The following HEATR1 variants were observed in gnomAD, a reference collection of about 807,000 sequenced individuals.
HEATR1 encodes the protein HEAT repeat-containing protein 1.
Under a neutral mutation model 248.2 loss-of-function variants are expected in HEATR1, and 77 were observed. The ratio of observed to expected loss-of-function variants is 0.31; its 90% CI spans 0.26 to 0.37. The LOEUF (loss-of-function observed/expected upper bound fraction) is 0.37. Among genes scored for constraint, HEATR1 ranks in the 10% least tolerant of loss-of-function variants. The pLI is 1.00. For missense variants in HEATR1, 2,420 were observed against 2,504.9 expected, an observed-to-expected ratio of 0.97 and a Z score of 0.72; for synonymous variants, 897 against 923.1, an observed-to-expected ratio of 0.97 and a Z score of 0.51.
At position 236,599,562 on chromosome 1, in the gene HEATR1, G is replaced by A. The variant is rs867330018; in HGVS notation, c.422C>T (p.Thr141Ile). The change falls in exon 4 of 45, where the codon ACA becomes ATA. Residue 141 changes from threonine (T) to isoleucine (I), a missense_variant. Thr to Ile is a moderately conservative substitution (Grantham distance 89, BLOSUM62 -1). Transcript: ENST00000366582. ...CTGTATGACTCGCACAAATATTCTT[G>A]TCTCGTGGTATGGCAGAACACAAGC... ...LIACVLPYHE[T>I]RIFVRVIQLL... 1 of 1,613,506 alleles carries A rather than the reference G, an allele frequency of 6.2e-7. No homozygotes were observed. The highest frequency in any genetic ancestry group is 8.5e-7 in the Non-Finnish European group (1 of 1,179,622).
At position 236,555,894 on chromosome 1, in the gene HEATR1, C is replaced by T. The variant is rs201959745; in HGVS notation, c.5560G>A (p.Val1854Met). Residue 1854 changes from valine to methionine, a missense_variant, in exon 39 of 45, where the codon GTG (valine) becomes ATG (methionine). Physicochemically the swap from Val to Met is conservative, Grantham distance 21. Coordinates refer to ENST00000366582, the MANE Select transcript of HEATR1 (RefSeq NM_018072.6). ...GAGGTGAGCTCTTCCTTCTTCATCACCCCAATATGCTCTTGCAAGATGCTC... is the reference window on the plus strand; with the variant it reads ...GAGGTGAGCTCTTCCTTCTTCATCATCCCAATATGCTCTTGCAAGATGCTC... ...FMSILQEHIG[V>M]MKKEELTSHQ... The T allele has an allele frequency of 6.2e-7, 1 of 1,613,556 alleles. No individual in the cohort carries two copies. The highest frequency in any genetic ancestry group is 1.7e-5 in the Admixed American group (1 of 60,026).
intron 8 of HEATR1, among the ~76,000 whole-genome samples, chr1:236,594,923 C>T (rs755136544): frequency 3.2e-4 from 48 of 152,110 alleles, no homozygotes; most frequent in Non-Finnish European, 4.9e-4. Flanking sequence ...CTCAGTCTCC[C>T]GAGCAGCTGG....
At chr1:236,569,571 G>A (rs78430179) in intron 28 of HEATR1, among the ~76,000 whole-genome samples, 4,499 of 152,172 alleles carry the variant, frequency 0.03, 128 homozygotes, top group Admixed American at 0.093. Flanking sequence ...AAATTCATAC[G>A]AAAAGAATAT....
chr1:236,558,175 G>A, intron 36 of HEATR1, 62 bp downstream of exon 36: 1 of 1,482,160 alleles, frequency 6.7e-7, no homozygotes, highest in Middle Eastern at 2.5e-4. Context: ...AGTCACCAAA[G>A]TGTTATTTTT....
At chr1:236,597,032 T>C (rs74340589) in intron 5 of HEATR1, 56 bp from the exon 6 acceptor site, 25,045 of 1,547,180 alleles carry the variant, frequency 0.016, 239 homozygotes, top group African/African-American at 0.039. Flanking sequence ...GGTAGAAGGA[T>C]TGCTTGAGGC....
At chr1:236,568,365 T>G (rs1395069260) in intron 29 of HEATR1, among the ~76,000 whole-genome samples, 2 of 152,202 alleles carry the variant, frequency 1.3e-5, no homozygotes, top group African/African-American at 4.8e-5. Flanking sequence ...TAAAAGAAGG[T>G]GCTGAATATG....
intron 14 of HEATR1, among the ~76,000 whole-genome samples, chr1:236,586,966 C>G (rs917510529): frequency 6.6e-6 from 1 of 152,078 alleles, no homozygotes; most frequent in Admixed American, 6.6e-5. Context: ...TTGCAAAAAG[C>G]TTTGGTGCCA....
intron 20 of HEATR1, among the ~76,000 whole-genome samples, chr1:236,580,346 A>G (rs563036412): frequency 1.3e-5 from 2 of 152,328 alleles, no homozygotes; most frequent in East Asian, 1.9e-4. Flanking sequence ...TCTGACTTCC[A>G]TATCTAACCC....
chr1:236,585,955 T>C lies in HEATR1; in HGVS notation c.1928-14A>G, dbSNP rs2103146075. ...CATTTTCAAGAGCTGTAAAGTAAAATCGAATGCAGAGAGCTCTTATGTCAC... is the reference window on the plus strand; with the variant it reads ...CATTTTCAAGAGCTGTAAAGTAAAACCGAATGCAGAGAGCTCTTATGTCAC... On this transcript the variant is annotated splice_polypyrimidine_tract_variant and intron_variant, in intron 15 of 44. Transcript: ENST00000366582. The C allele has an allele frequency of 6.2e-7, 1 of 1,612,976 alleles. No individual in the cohort carries two copies. The highest frequency in any genetic ancestry group is 1.3e-5 in the African/African-American group (1 of 75,028).
Position 236,599,561 on chromosome 1 carries a change from T to G in HEATR1, c.423A>C (p.Thr141=), listed in dbSNP as rs770576568. 1 of 1,613,816 alleles carries G rather than the reference T, an allele frequency of 6.2e-7. No homozygotes were observed. The highest frequency in any genetic ancestry group is 1.7e-5 in the Admixed American group (1 of 60,026). ...LIACVLPYHE[T]RIFVRVIQLL... The stretch of plus-strand genomic sequence containing the variant: ...GCTGTATGACTCGCACAAATATTCT[T>G]GTCTCGTGGTATGGCAGAACACAAG... The change falls in exon 4 of 45, where the codon ACA becomes ACC. Residue 141 remains threonine, a synonymous_variant. Transcript: ENST00000366582.
intron 42 of HEATR1, among the ~76,000 whole-genome samples, chr1:236,553,947 CCAG>C (rs1387442200): frequency 1.3e-5 from 2 of 152,212 alleles, no homozygotes; most frequent in Non-Finnish European, 2.9e-5. Context: ...CCCTTTCTCT[CCAG>C]CAGAACATCT....
In HEATR1 at chr1:236,599,604, T is replaced by G. The variant is rs544530055; in HGVS notation, c.380A>C (p.Asn127Thr). The change falls in exon 4 of 45, where the codon AAT (asparagine) becomes ACT (threonine). Residue 127 changes from asparagine to threonine, a missense_variant. Physicochemically the swap from Asn to Thr is moderately conservative, Grantham distance 65. Transcript: ENST00000366582. ...AACACAAGCAATGAGGCTATCTTGA[T>G]TATAGAGATGTATATGGAACCTGGG... ...LIHRFHIHLYNQDSLIACVLP... is the reference protein window; with the variant it reads ...LIHRFHIHLYTQDSLIACVLP... The G allele has an allele frequency of 6.2e-6, 10 of 1,612,590 alleles. No homozygotes were observed. In the African/African-American group the frequency reaches 1.3e-4, roughly 22 times the overall value.
intron 20 of HEATR1, among the ~76,000 whole-genome samples, chr1:236,580,287 C>G (rs187726083): frequency 1.3e-5 from 2 of 152,260 alleles, no homozygotes; most frequent in Admixed American, 1.3e-4. Flanking sequence ...GAGATAAATG[C>G]AGGAGGGTTT....
Position 236,555,849 on chromosome 1 carries a change from C to A in HEATR1, c.5605G>T (p.Ala1869Ser). ...ELTSHQSQLTAFFLEALDFRA... is the reference protein window; with the variant it reads ...ELTSHQSQLTSFFLEALDFRA... The stretch of plus-strand genomic sequence containing the variant: ...AAGTCCAGGGCTTCCAGGAAAAAGG[C>A]GGTTAGCTGAGACTGATGGGAGGTG... Residue 1869 changes from alanine (A) to serine (S), a missense_variant, in exon 39 of 45, where the codon GCC (alanine) becomes TCC (serine). Ala to Ser is a moderately conservative substitution (Grantham distance 99). Transcript: ENST00000366582. 1 of 1,614,066 alleles carries A rather than the reference C, an allele frequency of 6.2e-7. No individual in the cohort carries two copies. The highest frequency in any genetic ancestry group is 8.5e-7 in the Non-Finnish European group (1 of 1,179,922).
chr1:236,585,312 T>C, intron 16 of HEATR1, 96 bp from the exon 17 acceptor site: 1 of 970,948 alleles, frequency 1.0e-6, no homozygotes, highest in Non-Finnish European at 1.5e-6. Flanking sequence ...TGTTTTACAT[T>C]TAAAGTGAGA....
At chr1:236,551,137 G>A (rs1340505742) in intron 44 of HEATR1, 147 bp from the exon 45 acceptor site, 13 of 614,238 alleles carry the variant, frequency 2.1e-5, no homozygotes, top group Non-Finnish European at 3.3e-5. Context: ...AGCAGGAGGC[G>A]CCACGGACCG....
In HEATR1 at chr1:236,574,837, C is replaced by G; in HGVS notation, c.3151G>C (p.Ala1051Pro). Residue 1051 changes from alanine (A) to proline (P), a missense_variant, in exon 23 of 45, where the codon GCT becomes CCT. Physicochemically the swap from Ala to Pro is conservative, Grantham distance 27 (BLOSUM62 -1). Coordinates refer to ENST00000366582, the MANE Select transcript of HEATR1 (RefSeq NM_018072.6). ...LLEKIQKEPT[A>P]VLKDEAMVLH... ...ACCATGGCCTCATCTTTCAGCACAG[C>G]TGTGGGCTCCTTCTGGATCTTTTCT... is the stretch of plus-strand genomic sequence containing the variant. The G allele has an allele frequency of 6.2e-7, 1 of 1,613,934 alleles. No individual in the cohort carries two copies.
intron 27 of HEATR1, 36 bp downstream of exon 27, chr1:236,571,532 T>C (rs1236765571): frequency 6.2e-7 from 1 of 1,613,412 alleles, no homozygotes; most frequent in Admixed American, 1.7e-5. Context: ...TCAAAGTAGA[T>C]AATTTTTCTA....
intron 21 of HEATR1, 45 bp downstream of exon 21, chr1:236,576,733 TAC>T: frequency 6.5e-7 from 1 of 1,538,598 alleles, no homozygotes; most frequent in Admixed American, 2.0e-5. Flanking sequence ...ATTGCTCCAG[TAC>T]ACAGAGGCAT....
Sources: gnomAD v4.1 joint callset for allele counts (sites outside exome capture counted in the v4.1 genomes callset) on GRCh38, gnomAD v4.1.1 for gene constraint, MANE v1.5 for transcripts, NCBI Gene and HGNC (gene_info 2026-07-23, HGNC 2026-07-21) for gene names.